The following RYR3 variants were observed in gnomAD, a reference collection of about 807,000 sequenced individuals.
RYR3 encodes brain ryanodine receptor-calcium release channel.
A neutral mutation model predicts 584.3 loss-of-function variants in RYR3; 207 were observed. The ratio of observed to expected loss-of-function variants is 0.35; its 90% CI spans 0.32 to 0.40. The LOEUF (loss-of-function observed/expected upper bound fraction) is 0.40, where lower values mean the gene tolerates loss of function less well. Ranked by LOEUF, RYR3 falls within the 10% of genes least tolerant of loss-of-function variation. RYR3 has a pLI of 1.00. For synonymous variants in RYR3, 2,416 were observed against 2,248.5 expected (o/e 1.07, Z -2.11); for missense variants, 5,616 against 6,089.2 (o/e 0.92, Z 2.59).
chr15:33,339,888 C>CA (rs34401708), intron 1 of RYR3, among the ~76,000 whole-genome samples: 51,277 of 135,228 alleles, frequency 0.38, 10,125 homozygotes, highest in Middle Eastern at 0.46. Context: ...GACTCCGTCT[C>CA]AAAAAAAAAA....
At chr15:33,754,466 C>T (rs1259019848) in intron 57 of RYR3, among the ~76,000 whole-genome samples, 1 of 152,222 alleles carries the variant, frequency 6.6e-6, no homozygotes, top group Non-Finnish European at 1.5e-5. Flanking sequence ...TTTGCACTGT[C>T]TCTTCGCCCC....
At chr15:33,419,501 T>C (rs2044076341) in intron 1 of RYR3, among the ~76,000 whole-genome samples, 2 of 152,168 alleles carry the variant, frequency 1.3e-5, no homozygotes, top group African/African-American at 4.8e-5. Flanking sequence ...TCCTTCCATC[T>C]ATCATTCATT....
At chr15:33,805,567 T>C (rs1480557435) in intron 69 of RYR3, among the ~76,000 whole-genome samples, 1 of 150,578 alleles carries the variant, frequency 6.6e-6, no homozygotes, top group East Asian at 2.0e-4. Context: ...AAGCTCCGCC[T>C]CCCTGGTTCA....
chr15:33,321,931 A>G (rs1001750871), intron 1 of RYR3, among the ~76,000 whole-genome samples: 1 of 152,212 alleles, frequency 6.6e-6, no homozygotes, highest in Non-Finnish European at 1.5e-5. Flanking sequence ...TAACTAATTC[A>G]CAGAGAAGGG....
At position 33,537,730 on chromosome 15, in the gene RYR3, A is replaced by C. The variant is rs538718999; in HGVS notation, c.434-1620A>C. Among the ~76,000 whole-genome samples, 4 of 152,300 alleles carry C rather than the reference A, an allele frequency of 2.6e-5. No individual in the cohort carries two copies. In the East Asian group the frequency reaches 7.7e-4, roughly 29 times the overall value. ...TGGCGTGGCCTCTTTCTGTTCTGACATCTCACTGGAATGCACCTTAGAGTG... is the reference window on the plus strand; with the variant it reads ...TGGCGTGGCCTCTTTCTGTTCTGACCTCTCACTGGAATGCACCTTAGAGTG... On this transcript the variant is annotated intron_variant, in intron 5 of 103. Coordinates refer to ENST00000634891, the MANE Select transcript of RYR3 (RefSeq NM_001036.6).
intron 1 of RYR3, among the ~76,000 whole-genome samples, chr15:33,463,032 C>T (rs1020108198): frequency 2.6e-5 from 4 of 151,806 alleles, no homozygotes; most frequent in East Asian, 1.9e-4. Context: ...ATTAGCCAGG[C>T]GCACCTTGCC....
intron 94 of RYR3, among the ~76,000 whole-genome samples, chr15:33,848,867 C>G (rs544926916): frequency 3.6e-4 from 47 of 131,182 alleles, no homozygotes; most frequent in African/African-American, 1.3e-3. Context: ...ACAGAGTCTC[C>G]CTTTGTTGCC....
intron 25 of RYR3, 91 bp downstream of exon 25, chr15:33,634,824 C>A: frequency 9.1e-7 from 1 of 1,097,518 alleles, no homozygotes; most frequent in Non-Finnish European, 1.4e-6. Context: ...CTAACTTGTA[C>A]TATTGGAAAT....
intron 25 of RYR3, 111 bp from the exon 26 acceptor site, chr15:33,635,503 C>T: frequency 1.3e-6 from 1 of 759,332 alleles, no homozygotes; most frequent in Non-Finnish European, 2.3e-6. Context: ...GACCTATGGT[C>T]AGTCTTAGAT....
At chr15:33,681,135 T>C (rs1488524791) in intron 38 of RYR3, among the ~76,000 whole-genome samples, 1 of 152,228 alleles carries the variant, frequency 6.6e-6, no homozygotes, top group Non-Finnish European at 1.5e-5. Flanking sequence ...CATAGAAGAC[T>C]GTATCTCTCT....
chr15:33,709,950 A>G (rs1295623037), intron 43 of RYR3, among the ~76,000 whole-genome samples: 3 of 152,144 alleles, frequency 2.0e-5, no homozygotes, highest in African/African-American at 7.2e-5. Flanking sequence ...ACTTTTTAAC[A>G]GAAGAGAGAC....
intron 1 of RYR3, among the ~76,000 whole-genome samples, chr15:33,399,631 C>T (rs564037295): frequency 6.6e-5 from 10 of 152,044 alleles, no homozygotes; most frequent in Non-Finnish European, 1.5e-4. Flanking sequence ...GAGTAAGACT[C>T]CGTTTCAAAA....
At chr15:33,809,612 C>CTTT (rs34554811) in intron 70 of RYR3, among the ~76,000 whole-genome samples, 4 of 132,294 alleles carry the variant, frequency 3.0e-5, no homozygotes, top group East Asian at 2.2e-4. Flanking sequence ...TCCTCTCTCT[C>CTTT]TTTTTTTTTT....
At chr15:33,670,608 T>A (rs1296128914) in intron 38 of RYR3, 52 bp downstream of exon 38, 8 of 1,505,814 alleles carry the variant, frequency 5.3e-6, no homozygotes, top group Non-Finnish European at 7.1e-6. Context: ...ACTTAATTAA[T>A]GTAACTTTTT....
intron 1 of RYR3, among the ~76,000 whole-genome samples, chr15:33,464,261 A>G (rs1307042149): frequency 2.0e-5 from 3 of 151,852 alleles, no homozygotes; most frequent in South Asian, 2.1e-4. Flanking sequence ...TGACAAGGCA[A>G]CATTTGAGCA....
intron 62 of RYR3, among the ~76,000 whole-genome samples, chr15:33,769,422 T>G (rs1290303954): frequency 6.6e-6 from 1 of 152,194 alleles, no homozygotes; most frequent in African/African-American, 2.4e-5. Context: ...AGTTTGTCTT[T>G]CAGAAGATAA....
chr15:33,617,388 G>A (rs969138874), intron 19 of RYR3, among the ~76,000 whole-genome samples: 3 of 151,456 alleles, frequency 2.0e-5, no homozygotes, highest in African/African-American at 7.3e-5. Context: ...CTCCAGCCTG[G>A]GCGACAGAGT....
intron 42 of RYR3, among the ~76,000 whole-genome samples, chr15:33,705,736 C>G (rs73377337): frequency 1.3e-5 from 2 of 152,106 alleles, no homozygotes; most frequent in Non-Finnish European, 2.9e-5. Context: ...ATCCCAACCT[C>G]AACATCTTGG....
rs532263481 is a variant in RYR3 at position 33,841,332 on chromosome 15, C to T, written c.13037+449C>T. ...CAATGCAAGCAATTATTCTGCAAGC[C>T]CTGGGTATATTTCCTTTTACCCTAG... On this transcript the variant is annotated intron_variant, in intron 90 of 103. Transcript: ENST00000634891. 2.8e-3 allele frequency among the ~76,000 whole-genome samples: 429 copies of T among 152,180 alleles called. 1 individual carries two copies. The highest frequency in any genetic ancestry group is 5.3e-3 in the Non-Finnish European group (362 of 68,010).
Sources: gnomAD v4.1 joint callset for allele counts (sites outside exome capture counted in the v4.1 genomes callset) on GRCh38, gnomAD v4.1.1 for gene constraint, MANE v1.5 for transcripts, NCBI Gene and HGNC (gene_info 2026-07-23, HGNC 2026-07-21) for gene names.